The following MGAT4C variants were observed in gnomAD, a reference collection of about 807,000 sequenced individuals.
MGAT4C encodes MGAT4 family member C.
In MGAT4C, 19 loss-of-function variants were observed where a neutral mutation model predicts 40.1. That is an observed-to-expected ratio of 0.47 (90% CI 0.33 to 0.70). The LOEUF is 0.70. Ranked by LOEUF, MGAT4C falls within the 30% of genes least tolerant of loss-of-function variation. The pLI, the probability that MGAT4C is intolerant of heterozygous loss-of-function variation, is 0.02. For missense variants in MGAT4C, 491 were observed against 563.2 expected (o/e 0.87, Z 1.30); for synonymous variants, 181 against 187.1 (o/e 0.97, Z 0.27).
At chr12:86,697,561 C>T (rs2136608341) in intron 2 of MGAT4C, among the ~76,000 whole-genome samples, 1 of 152,184 alleles carries the variant, frequency 6.6e-6, no homozygotes. Context: ...GGGTCTCCCA[C>T]TCACTCTTAC....
chr12:86,144,134 GA>G (rs946721714), intron 1 of MGAT4C, among the ~76,000 whole-genome samples: 1 of 152,190 alleles, frequency 6.6e-6, no homozygotes, highest in African/African-American at 2.4e-5. Flanking sequence ...AGAGAGGACA[GA>G]AAAGACCTTT....
intron 4 of MGAT4C, among the ~76,000 whole-genome samples, chr12:86,270,380 C>T (rs996785756): frequency 5.3e-5 from 8 of 152,096 alleles, no homozygotes; most frequent in Middle Eastern, 3.2e-3. Context: ...TGAGCCCAGC[C>T]CATAGTGGAA....
chr12:86,826,523 C>T (rs1952811830), intron 1 of MGAT4C, among the ~76,000 whole-genome samples: 1 of 151,492 alleles, frequency 6.6e-6, no homozygotes, highest in Non-Finnish European at 1.5e-5. Context: ...GATGCCATCA[C>T]AATATTTTTG....
intron 2 of MGAT4C, among the ~76,000 whole-genome samples, chr12:86,509,665 T>G (rs1958537721): frequency 6.6e-6 from 1 of 152,188 alleles, no homozygotes; most frequent in Non-Finnish European, 1.5e-5. Context: ...ATGGCCATTT[T>G]CATGATATTG....
intron 1 of MGAT4C, among the ~76,000 whole-genome samples, chr12:86,774,304 TTTC>T (rs1565981368): frequency 7.9e-5 from 2 of 25,376 alleles, no homozygotes; most frequent in African/African-American, 1.9e-4. Flanking sequence ...TCTTTCTTTC[TTTC>T]TTTCTTTCTT....
At chr12:86,156,447 C>T (rs993005495) in intron 1 of MGAT4C, among the ~76,000 whole-genome samples, 19 of 152,046 alleles carry the variant, frequency 1.2e-4, no homozygotes, top group African/African-American at 3.4e-4. Context: ...CTCAGCCTCC[C>T]GAGTAGCTGG....
chr12:86,433,352 G>C (rs1450129803), intron 3 of MGAT4C, among the ~76,000 whole-genome samples: 1 of 90,034 alleles, frequency 1.1e-5, no homozygotes, highest in Non-Finnish European at 2.7e-5. Context: ...GTATGTGTGT[G>C]TGTGCATATA....
In MGAT4C at chr12:85,966,720, TA is replaced by T. The variant is rs1415923245; in HGVS notation, c.*12568del. 6.6e-6 allele frequency: 1 copy of T among 152,038 alleles called. No individual in the cohort carries two copies. The highest frequency in any genetic ancestry group is 2.4e-5 in the African/African-American group (1 of 41,378). The allele number at this position is 152,038 out of a possible 1,614,324, so 9.4% of individuals were successfully genotyped here. A position where few individuals can be genotyped will look rare whatever the true frequency, so the allele number is the denominator to read the frequency against. Reference sequence around the variant, plus strand: ...TACACCATGGAATACTATGCAGCCATAAAAAATGATGAGTTCATGTCCTTTG... The same window carrying T: ...TACACCATGGAATACTATGCAGCCATAAAAATGATGAGTTCATGTCCTTTG... On this transcript the variant is annotated 3_prime_UTR_variant, in exon 5 of 5. Coordinates refer to ENST00000611864, the MANE Select transcript of MGAT4C (RefSeq NM_001351288.2).
At position 85,961,410 on chromosome 12, in the gene MGAT4C, G is replaced by A. The variant is rs1883103708; in HGVS notation, c.*17879C>T. 1 of 151,906 alleles carries A rather than the reference G, an allele frequency of 6.6e-6. No homozygotes were observed. The highest frequency in any genetic ancestry group is 2.1e-4 in the South Asian group (1 of 4,826). The allele number at this position is 151,906 out of a possible 1,614,324, so 9.4% of individuals were successfully genotyped here. A position where few individuals can be genotyped will look rare whatever the true frequency, so the allele number is the denominator to read the frequency against. ...AAAATTTAAGAAACAAAGGGAATGT[G>A]TCTGGGGATGGTACTAATAATATTG... On this transcript the variant is annotated 3_prime_UTR_variant, in exon 5 of 5. Coordinates refer to ENST00000611864, the MANE Select transcript of MGAT4C (RefSeq NM_001351288.2).
intron 1 of MGAT4C, among the ~76,000 whole-genome samples, chr12:86,157,629 T>C (rs1331186466): frequency 6.6e-6 from 1 of 152,016 alleles, no homozygotes; most frequent in Non-Finnish European, 1.5e-5. Context: ...AGAAAAGAGA[T>C]TTAATTGATG....
intron 2 of MGAT4C, among the ~76,000 whole-genome samples, chr12:86,030,031 A>AT (rs1007003573): frequency 1.3e-5 from 2 of 151,538 alleles, no homozygotes; most frequent in Admixed American, 6.6e-5. Flanking sequence ...CATCAAACAC[A>AT]TTTTTTTTCC....
chr12:85,961,370 C>T lies in MGAT4C; in HGVS notation c.*17919G>A, dbSNP rs545160735. The T allele has an allele frequency of 6.6e-6, 1 of 151,824 alleles. No homozygotes were observed. Among genetic ancestry groups the T allele is most frequent in the Non-Finnish European group, 1.5e-5 (1 of 67,744 alleles). The allele number at this position is 151,824 out of a possible 1,614,324, so 9.4% of individuals were successfully genotyped here. A position where few individuals can be genotyped will look rare whatever the true frequency, so the allele number is the denominator to read the frequency against. ...AAGCATCTTCTGTTTCTGTGATTCC[C>T]ATTTTTGGAGAGTAAAAATTTAAGA... is the stretch of plus-strand genomic sequence containing the variant. On this transcript the variant is annotated 3_prime_UTR_variant, in exon 5 of 5. Coordinates refer to ENST00000611864, the MANE Select transcript of MGAT4C (RefSeq NM_001351288.2).
At chr12:86,798,858 A>G (rs1952175872) in intron 1 of MGAT4C, among the ~76,000 whole-genome samples, 1 of 151,926 alleles carries the variant, frequency 6.6e-6, no homozygotes, top group African/African-American at 2.4e-5. Context: ...AAATCAAGGT[A>G]AATATAACAT....
At chr12:86,496,758 T>C (rs903974930) in intron 2 of MGAT4C, among the ~76,000 whole-genome samples, 4 of 152,146 alleles carry the variant, frequency 2.6e-5, no homozygotes, top group East Asian at 1.9e-4. Flanking sequence ...CTCAGTGTAA[T>C]TGAGCTCACC....
intron 2 of MGAT4C, among the ~76,000 whole-genome samples, chr12:86,576,252 T>C (rs544521219): frequency 3.9e-5 from 6 of 152,116 alleles, no homozygotes; most frequent in African/African-American, 9.6e-5. Context: ...GAGAGGTAGT[T>C]TGCAAATATT....
intron 4 of MGAT4C, among the ~76,000 whole-genome samples, chr12:85,981,897 T>C (rs1327024993): frequency 1.3e-5 from 2 of 152,010 alleles, no homozygotes; most frequent in Non-Finnish European, 2.9e-5. Flanking sequence ...GAAAAGGTAA[T>C]CAGTAATGTT....
chr12:86,356,225 A>G (rs946356182), intron 3 of MGAT4C, among the ~76,000 whole-genome samples: 1 of 152,212 alleles, frequency 6.6e-6, no homozygotes, highest in African/African-American at 2.4e-5. Context: ...CACCAACACC[A>G]AAACTGACAA....
At chr12:86,705,792 C>G (rs751633809) in intron 2 of MGAT4C, among the ~76,000 whole-genome samples, 1 of 151,882 alleles carries the variant, frequency 6.6e-6, no homozygotes, top group African/African-American at 2.4e-5. Flanking sequence ...TAATGGGGAT[C>G]GGGAGTTTTT....
In MGAT4C at chr12:86,030,659, T is replaced by C. The variant is rs534739821; in HGVS notation, c.-7+19015A>G. Among the ~76,000 whole-genome samples the C allele has an allele frequency of 1.2e-4, 18 of 151,922 alleles. No homozygotes were observed. In the South Asian group the frequency reaches 1.2e-3, roughly 10 times the overall value. ...ATTGTTCCCAATGGAATATTACTTA[T>C]ATTCTAATCCAGAAGGAATTGTTTA... is the stretch of plus-strand genomic sequence containing the variant. On this transcript the variant is annotated intron_variant, in intron 2 of 4. Coordinates refer to ENST00000611864, the MANE Select transcript of MGAT4C (RefSeq NM_001351288.2).
Sources: allele counts gnomAD v4.1 joint callset (sites outside exome capture counted in the v4.1 genomes callset), GRCh38; gene constraint gnomAD v4.1.1; transcripts MANE v1.5; gene names NCBI Gene and HGNC (gene_info 2026-07-23, HGNC 2026-07-21).